Variants in KDM4C observed in about 807,000 individuals in gnomAD.
KDM4C encodes lysine demethylase 4C.
Under a neutral mutation model 129.3 loss-of-function variants are expected in KDM4C, and 81 were observed. That is an observed-to-expected ratio of 0.63 (90% CI 0.52 to 0.75). KDM4C has a LOEUF of 0.75. KDM4C is among the 30% of genes least tolerant of loss of function. The pLI is 0.00. For missense variants in KDM4C, 1,457 were observed against 1,304.0 expected (o/e 1.12, Z -1.81); for synonymous variants, 573 against 456.1 (o/e 1.26, Z -3.26).
At chr9:6,792,452 G>C (rs1204174573) in intron 1 of KDM4C, among the ~76,000 whole-genome samples, 2 of 151,946 alleles carry the variant, frequency 1.3e-5, no homozygotes, top group African/African-American at 4.8e-5. Context: ...GCAGTGGCGA[G>C]ATCTTGGCTC....
chr9:6,910,513 C>T (rs924615299), intron 8 of KDM4C, among the ~76,000 whole-genome samples: 1 of 152,168 alleles, frequency 6.6e-6, no homozygotes, highest in Non-Finnish European at 1.5e-5. Context: ...CAGCAAATAA[C>T]TACAAAACGT....
intron 17 of KDM4C, among the ~76,000 whole-genome samples, chr9:7,075,305 T>A (rs1570508): frequency 6.6e-6 from 1 of 152,000 alleles, no homozygotes; most frequent in Non-Finnish European, 1.5e-5. Flanking sequence ...CTGTTTCATC[T>A]TCTATGGTTT....
At position 6,906,920 on chromosome 9, in the gene KDM4C, C is replaced by T. The variant is rs924429806; in HGVS notation, c.921+13688C>T. On this transcript the variant is annotated intron_variant, in intron 8 of 21. Transcript: ENST00000381309. ...TAGTATTGTTTATTTATATGGGTGACGTAGATAGGTATTTTATTTCATGGG... is the reference window on the plus strand; with the variant it reads ...TAGTATTGTTTATTTATATGGGTGATGTAGATAGGTATTTTATTTCATGGG... Among the ~76,000 whole-genome samples, 5 of 152,226 alleles carry T rather than the reference C, an allele frequency of 3.3e-5. No homozygotes were observed. The East Asian group carries it at 5.8e-4, about 18-fold the overall frequency.
At chr9:6,782,839 T>C (rs1824662339) in intron 1 of KDM4C, among the ~76,000 whole-genome samples, 1 of 152,128 alleles carries the variant, frequency 6.6e-6, no homozygotes, top group East Asian at 1.9e-4. Context: ...GGTGGTGAAC[T>C]AAAGGTGGGA....
At chr9:6,921,704 C>T (rs77859943) in intron 8 of KDM4C, among the ~76,000 whole-genome samples, 12,663 of 152,170 alleles carry the variant, frequency 0.083, 1,467 homozygotes, top group African/African-American at 0.26. Flanking sequence ...ATCTCCCCTT[C>T]CTAGCTTCCC....
intron 12 of KDM4C, among the ~76,000 whole-genome samples, chr9:6,997,916 AAC>A (rs887978515): frequency 7.0e-4 from 106 of 152,354 alleles, no homozygotes; most frequent in African/African-American, 2.4e-3. Context: ...TAGAATAATC[AAC>A]ACAGAAAGTT....
rs1371651031 is a variant in KDM4C at position 6,986,576 on chromosome 9, G to A, written c.1587G>A (p.Glu529=). The change falls in exon 11 of 22, where the codon GAG becomes GAA. Residue 529 remains glutamate, a synonymous_variant. Transcript: ENST00000381309. ...ATGGTGTGTTAACAGAGGGAGAAGA[G>A]AGTGATGTGGAGAGCCATGGGAATG... ...ESNGVLTEGE[E]SDVESHGNGL... The A allele has an allele frequency of 6.2e-7, 1 of 1,614,156 alleles. No homozygotes were observed. The highest frequency in any genetic ancestry group is 1.1e-5 in the South Asian group (1 of 91,076).
chr9:6,755,690 C>T (rs1354338302), upstream of KDM4C, among the ~76,000 whole-genome samples: 2 of 152,144 alleles, frequency 1.3e-5, no homozygotes, highest in African/African-American at 4.8e-5. Context: ...TAATATATTG[C>T]AATTGGGATT....
chr9:6,869,881 A>G (rs983658576), intron 5 of KDM4C, among the ~76,000 whole-genome samples: 4 of 152,256 alleles, frequency 2.6e-5, no homozygotes, highest in Non-Finnish European at 5.9e-5. Context: ...GCAATGTTCT[A>G]CTTTCCACAG....
chr9:6,944,652 GTTTTTT>G (rs1158199897), intron 8 of KDM4C, among the ~76,000 whole-genome samples: 889 of 81,018 alleles, frequency 0.011, 21 homozygotes, highest in Middle Eastern at 0.025. Flanking sequence ...CAAGGTAGAG[GTTTTTT>G]TTTTTTTTTT....
At chr9:7,102,898 T>G (rs1208534175) in intron 17 of KDM4C, among the ~76,000 whole-genome samples, 1 of 152,216 alleles carries the variant, frequency 6.6e-6, no homozygotes, top group African/African-American at 2.4e-5. Context: ...ACAACTTACA[T>G]TTAGTGAAGT....
chr9:6,813,819 A>G (rs1831596488), intron 3 of KDM4C, among the ~76,000 whole-genome samples: 1 of 152,202 alleles, frequency 6.6e-6, no homozygotes, highest in African/African-American at 2.4e-5. Flanking sequence ...TGTAAATAGG[A>G]TATAGTATAC....
intron 19 of KDM4C, among the ~76,000 whole-genome samples, chr9:7,155,910 T>A (rs764617935): frequency 2.6e-5 from 4 of 152,226 alleles, no homozygotes; most frequent in Admixed American, 6.5e-5. Context: ...TATTTCTAGT[T>A]CTAGATCCGT....
chr9:6,730,814 G>A (rs1251051592), intron 1 of KDM4C, among the ~76,000 whole-genome samples: 1 of 152,074 alleles, frequency 6.6e-6, no homozygotes, highest in Non-Finnish European at 1.5e-5. Context: ...ACAGCTCCGC[G>A]TTTGCCTTAT....
intron 17 of KDM4C, among the ~76,000 whole-genome samples, chr9:7,099,178 A>AT (rs35200571): frequency 0.053 from 8,097 of 152,320 alleles, 661 homozygotes; most frequent in African/African-American, 0.18. Context: ...CTATTTTGGA[A>AT]TACCTGCCTG....
In KDM4C at chr9:7,016,774, C is replaced by G. The variant is rs146892580; in HGVS notation, c.2259+845C>G. ...TCCTCTACTTAGGAAGCTGCAGGGA[C>G]TGTCAATTTATCGTGTCCACATTTA... is the stretch of plus-strand genomic sequence containing the variant. On this transcript the variant is annotated intron_variant, in intron 15 of 21. Coordinates refer to ENST00000381309, the MANE Select transcript of KDM4C (RefSeq NM_015061.6). 1.8e-4 allele frequency among the ~76,000 whole-genome samples: 28 copies of G among 152,258 alleles called. No homozygotes were observed. The East Asian group carries it at 2.5e-3, about 14-fold the overall frequency.
chr9:7,170,766 G>C (rs1844874853), intron 21 of KDM4C: 1 of 983,622 alleles, frequency 1.0e-6, no homozygotes, highest in Non-Finnish European at 1.2e-6. Flanking sequence ...TGCAGTGATA[G>C]AGTCACTATA....
intron 18 of KDM4C, among the ~76,000 whole-genome samples, chr9:7,113,357 C>T (rs955818644): frequency 5.3e-5 from 8 of 152,212 alleles, no homozygotes; most frequent in African/African-American, 1.2e-4. Context: ...ACATTCAGAA[C>T]CTATCTTTCT....
At chr9:7,162,662 A>T (rs762811274) in intron 19 of KDM4C, among the ~76,000 whole-genome samples, 60 of 152,238 alleles carry the variant, frequency 3.9e-4, no homozygotes, top group Non-Finnish European at 7.1e-4. Context: ...GCAAGTCAGG[A>T]TTTATTTTGA....
Sources: gnomAD v4.1 joint callset for allele counts (sites outside exome capture counted in the v4.1 genomes callset) on GRCh38, gnomAD v4.1.1 for gene constraint, MANE v1.5 for transcripts, NCBI Gene and HGNC (gene_info 2026-07-23, HGNC 2026-07-21) for gene names.